Variants in GRXCR1 observed in about 807,000 individuals in gnomAD.
The protein encoded by GRXCR1 is glutaredoxin and cysteine rich domain containing 1.
GRXCR1 carries 27 observed loss-of-function variants against 27.3 expected under a neutral mutation model. The observed-to-expected ratio is 0.99, with a 90% CI of 0.73 to 1.37. The LOEUF is 1.37. Among genes scored for constraint, GRXCR1 ranks in the 40% most tolerant of loss-of-function variants. The probability of loss-of-function intolerance (pLI) is 0.00; values close to 1 mark genes in which losing one functional copy is unlikely to be tolerated. For synonymous variants in GRXCR1, 122 were observed against 131.1 expected, an observed-to-expected ratio of 0.93 and a Z score of 0.47; for missense variants, 379 against 354.4, an observed-to-expected ratio of 1.07 and a Z score of -0.56.
At chr4:42,950,539 A>T (rs190140383) in intron 1 of GRXCR1, among the ~76,000 whole-genome samples, 54 of 152,290 alleles carry the variant, frequency 3.5e-4, no homozygotes, top group African/African-American at 1.3e-3. Flanking sequence ...ATATTACAAG[A>T]TAGACATTTT....
intron 1 of GRXCR1, among the ~76,000 whole-genome samples, chr4:42,927,201 C>T (rs573611427): frequency 6.1e-4 from 92 of 152,028 alleles, no homozygotes; most frequent in Non-Finnish European, 1.0e-3. Context: ...GGTAGTTTTG[C>T]ATGAAATACA....
intron 2 of GRXCR1, among the ~76,000 whole-genome samples, chr4:43,010,112 G>A (rs1215334729): frequency 6.6e-6 from 1 of 152,092 alleles, no homozygotes; most frequent in Non-Finnish European, 1.5e-5. Context: ...AAAAGAGGAA[G>A]TGAGCAGCTT....
chr4:43,001,971 A>T (rs1300432082), intron 2 of GRXCR1, among the ~76,000 whole-genome samples: 1 of 152,238 alleles, frequency 6.6e-6, no homozygotes, highest in Non-Finnish European at 1.5e-5. Context: ...GGCCAGATTT[A>T]TGTTTCTCTC....
At chr4:42,933,744 A>C (rs1443668380) in intron 1 of GRXCR1, among the ~76,000 whole-genome samples, 1 of 151,862 alleles carries the variant, frequency 6.6e-6, no homozygotes, top group Non-Finnish European at 1.5e-5. Flanking sequence ...TGAACCAGGA[A>C]ATGGGCTCTC....
Position 42,893,380 on chromosome 4 carries a change from G to T in GRXCR1, c.114G>T (p.Pro38=). Residue 38 remains proline, a synonymous_variant, in exon 1 of 4, where the codon CCG becomes CCT. Coordinates refer to ENST00000399770, the MANE Select transcript of GRXCR1 (RefSeq NM_001080476.3). ...VLKEVYEDGQ[P]SGSLDSECAS... is the part of the protein sequence containing the mutation. ...AGGAAGTGTATGAAGATGGGCAACC[G>T]TCAGGCTCTCTGGATTCTGAATGTG... The T allele has an allele frequency of 6.2e-7, 1 of 1,613,820 alleles. No homozygotes were observed. Among genetic ancestry groups the T allele is most frequent in the Non-Finnish European group, 8.5e-7 (1 of 1,179,808 alleles).
chr4:42,935,872 A>T (rs1190919601), intron 1 of GRXCR1, among the ~76,000 whole-genome samples: 1 of 151,918 alleles, frequency 6.6e-6, no homozygotes, highest in Non-Finnish European at 1.5e-5. Flanking sequence ...ACGAAGTGAG[A>T]TAATAGGTTT....
At chr4:42,924,794 C>T (rs1747116083) in intron 1 of GRXCR1, among the ~76,000 whole-genome samples, 1 of 151,956 alleles carries the variant, frequency 6.6e-6, no homozygotes, top group African/African-American at 2.4e-5. Context: ...AAGCAAACTT[C>T]CAAAAGGAAA....
chr4:42,949,474 G>A (rs1747830300), intron 1 of GRXCR1, among the ~76,000 whole-genome samples: 1 of 151,728 alleles, frequency 6.6e-6, no homozygotes, highest in Non-Finnish European at 1.5e-5. Context: ...TGGCTAATAA[G>A]GTCATATAAA....
chr4:42,948,544 C>T (rs1402286453), intron 1 of GRXCR1, among the ~76,000 whole-genome samples: 1 of 152,076 alleles, frequency 6.6e-6, no homozygotes. Context: ...AGTCTTATGC[C>T]TATAACTTGG....
At chr4:43,013,676 G>A (rs541682401) in intron 2 of GRXCR1, among the ~76,000 whole-genome samples, 62 of 152,122 alleles carry the variant, frequency 4.1e-4, no homozygotes, top group Non-Finnish European at 7.5e-4. Flanking sequence ...ATGAAAATCA[G>A]TTTATGCAAA....
At position 43,003,850 on chromosome 4, in the gene GRXCR1, T is replaced by G. The variant is rs530143229; in HGVS notation, c.628-16504T>G. On this transcript the variant is annotated intron_variant, in intron 2 of 3. Coordinates refer to ENST00000399770, the MANE Select transcript of GRXCR1 (RefSeq NM_001080476.3). The stretch of plus-strand genomic sequence containing the variant: ...GCAGAGCATAAAAGTTTGGAAAATT[T>G]GCAGCCTGACCATGTGGTAGAAAAG... Among the ~76,000 whole-genome samples, 3 of 152,356 alleles carry G rather than the reference T, an allele frequency of 2.0e-5. No homozygotes were observed. The South Asian group carries it at 6.2e-4, about 32-fold the overall frequency.
At position 43,005,224 on chromosome 4, in the gene GRXCR1, C is replaced by A. The variant is rs557454537; in HGVS notation, c.628-15130C>A. 8.5e-5 allele frequency among the ~76,000 whole-genome samples: 13 copies of A among 152,256 alleles called. No individual in the cohort carries two copies. The South Asian group carries it at 1.0e-3, about 12-fold the overall frequency. The stretch of plus-strand genomic sequence containing the variant: ...ACCTTCTGCCATGATTGTAAGTTTC[C>A]TGAGGCCTCCCAGTCATGCTTCCTG... On this transcript the variant is annotated intron_variant, in intron 2 of 3. Coordinates refer to ENST00000399770, the MANE Select transcript of GRXCR1 (RefSeq NM_001080476.3).
rs1276344588 is a variant in GRXCR1, at chr4:42,979,646, A to G, written c.627+16512A>G. 2.6e-5 allele frequency among the ~76,000 whole-genome samples: 4 copies of G among 151,934 alleles called. No homozygotes were observed. In the East Asian group the frequency reaches 7.7e-4, roughly 29 times the overall value. The stretch of plus-strand genomic sequence containing the variant: ...TTTGGAATGTCCTAGTTTGGCTTTG[A>G]TATCAGCATAATACTTGCCTAAAAT... On this transcript the variant is annotated intron_variant, in intron 2 of 3. Coordinates refer to ENST00000399770, the MANE Select transcript of GRXCR1 (RefSeq NM_001080476.3).
chr4:42,930,240 A>G (rs1427752929), intron 1 of GRXCR1, among the ~76,000 whole-genome samples: 1 of 151,966 alleles, frequency 6.6e-6, no homozygotes, highest in Non-Finnish European at 1.5e-5. Flanking sequence ...GCACCAAGTT[A>G]ATACTTATTA....
intron 2 of GRXCR1, among the ~76,000 whole-genome samples, chr4:42,989,337 T>A (rs1182558744): frequency 6.6e-6 from 1 of 152,166 alleles, no homozygotes; most frequent in Non-Finnish European, 1.5e-5. Context: ...CTTCATCTAA[T>A]ATGGACACTA....
chr4:42,975,804 A>G (rs1748506465), intron 2 of GRXCR1, among the ~76,000 whole-genome samples: 1 of 152,156 alleles, frequency 6.6e-6, no homozygotes, highest in Non-Finnish European at 1.5e-5. Context: ...CAGAAGTACT[A>G]CAACCACATC....
intron 2 of GRXCR1, among the ~76,000 whole-genome samples, chr4:42,981,592 A>T (rs1351147941): frequency 1.3e-5 from 2 of 152,120 alleles, no homozygotes; most frequent in Non-Finnish European, 2.9e-5. Flanking sequence ...AGCTTGAAGA[A>T]CTTTGTCATT....
chr4:43,001,831 A>G (rs1391702975), intron 2 of GRXCR1, among the ~76,000 whole-genome samples: 10 of 120,610 alleles, frequency 8.3e-5, no homozygotes, highest in Non-Finnish European at 1.7e-4. Flanking sequence ...TATTATTTTC[A>G]TTATTTCAGC....
At chr4:42,986,861 A>G (rs756181895) in intron 2 of GRXCR1, among the ~76,000 whole-genome samples, 4 of 152,090 alleles carry the variant, frequency 2.6e-5, no homozygotes, top group Non-Finnish European at 5.9e-5. Context: ...CTATCTTAAA[A>G]TTAGTCCCCC....
Sources: gnomAD v4.1 joint callset for allele counts (sites outside exome capture counted in the v4.1 genomes callset) on GRCh38, gnomAD v4.1.1 for gene constraint, MANE v1.5 for transcripts, NCBI Gene and HGNC (gene_info 2026-07-23, HGNC 2026-07-21) for gene names.